UBE2V2: variants seen among roughly 807,000 people sequenced by gnomAD.
The protein encoded by UBE2V2 is ubiquitin conjugating enzyme E2 V2, also known as ubiquitin-conjugating enzyme E2 variant 2.
In UBE2V2, 9 loss-of-function variants were observed where a neutral mutation model predicts 17.2. That is an observed-to-expected ratio of 0.52 (90% CI 0.32 to 0.91). UBE2V2 has a LOEUF of 0.91. Ranked by LOEUF, UBE2V2 falls within the 40% of genes least tolerant of loss-of-function variation. UBE2V2 has a pLI of 0.04. For missense variants in UBE2V2, 133 were observed against 182.6 expected (o/e 0.73, Z 1.56); for synonymous variants, 61 against 57.5 (o/e 1.06, Z -0.28).
chr8:48,020,137 C>T (rs1291456125), intron 1 of UBE2V2, among the ~76,000 whole-genome samples: 1 of 150,712 alleles, frequency 6.6e-6, no homozygotes, highest in Non-Finnish European at 1.5e-5. Flanking sequence ...CTATTGAGAT[C>T]AGTGATTTTC....
In UBE2V2 at chr8:48,060,903, G is replaced by A; in HGVS notation, c.*75G>A. On this transcript the variant is annotated 3_prime_UTR_variant, in exon 4 of 4. Transcript: ENST00000523111. ...TAATGTCTTGATTAAATATCACAATGCAAAATACACATTAAGTAAAAGAAT... is the reference window on the plus strand; with the variant it reads ...TAATGTCTTGATTAAATATCACAATACAAAATACACATTAAGTAAAAGAAT... 7.8e-7 allele frequency: 1 copy of A among 1,286,270 alleles called. No individual in the cohort carries two copies. The highest frequency in any genetic ancestry group is 1.0e-6 in the Non-Finnish European group (1 of 987,860). The allele number at this position is 1,286,270 out of a possible 1,614,324, so 79.7% of individuals were successfully genotyped here. A position where few individuals can be genotyped will look rare whatever the true frequency, so the allele number is the denominator to read the frequency against.
the UBE2V2 span, among the ~76,000 whole-genome samples, chr8:48,000,280 T>C: frequency 6.6e-6 from 1 of 152,220 alleles, no homozygotes; most frequent in African/African-American, 2.4e-5. Context: ...TAATCACTTA[T>C]CATGACATGT....
chr8:48,030,925 G>A (rs974396356), intron 1 of UBE2V2, among the ~76,000 whole-genome samples: 4 of 152,196 alleles, frequency 2.6e-5, no homozygotes, highest in African/African-American at 9.6e-5. Flanking sequence ...GGGAGGCTGA[G>A]GCGGGAGAAT....
upstream of UBE2V2, among the ~76,000 whole-genome samples, chr8:48,004,512 GT>G (rs199499502): frequency 0.023 from 3,145 of 137,880 alleles, 83 homozygotes; most frequent in East Asian, 0.1. Flanking sequence ...TTCCTCTTCT[GT>G]TTTTTTTTTT....
chr8:48,049,811 G>C (rs1385872658), intron 2 of UBE2V2, 42 bp from the exon 3 acceptor site: 2 of 1,535,642 alleles, frequency 1.3e-6, no homozygotes, highest in South Asian at 1.2e-5. Context: ...TAATATTTTA[G>C]GTATTGTTAT....
At chr8:48,003,382 A>G in the UBE2V2 span, among the ~76,000 whole-genome samples, 1 of 152,148 alleles carries the variant, frequency 6.6e-6, no homozygotes, top group Admixed American at 6.6e-5. Context: ...GAGAAGAGTA[A>G]GCTTTAGACC....
intron 1 of UBE2V2, among the ~76,000 whole-genome samples, chr8:48,027,798 C>G (rs955342511): frequency 3.3e-5 from 5 of 152,218 alleles, no homozygotes; most frequent in African/African-American, 1.2e-4. Flanking sequence ...CTGCACCTGG[C>G]CCTTTACTGG....
rs1802611946 is a variant in UBE2V2, at chr8:48,062,506, T to A, written c.*1678T>A. ...TACTCGGGAGGCTGGGCAGGAGAAC[T>A]ACTTGAAACTGGCAGACAGAGGTTG... is the stretch of plus-strand genomic sequence containing the variant. On this transcript the variant is annotated 3_prime_UTR_variant, in exon 4 of 4. Transcript: ENST00000523111. The A allele has an allele frequency of 6.7e-6, 1 of 149,362 alleles. No individual in the cohort carries two copies. The highest frequency in any genetic ancestry group is 1.5e-5 in the Non-Finnish European group (1 of 67,792). 9.3% of individuals were successfully genotyped at this position (149,362 alleles called of 1,614,324 possible).
chr8:48,034,696 G>A (rs2091409285), intron 1 of UBE2V2, among the ~76,000 whole-genome samples: 1 of 151,180 alleles, frequency 6.6e-6, no homozygotes, highest in Non-Finnish European at 1.5e-5. Context: ...TTAAGTTTTT[G>A]CACTGCCAAA....
rs145987665 is a variant in UBE2V2, at chr8:48,034,222, A to G, written c.17-8811A>G. 1.1e-3 allele frequency among the ~76,000 whole-genome samples: 166 copies of G among 150,226 alleles called. 1 individual carries two copies. In the East Asian group the frequency reaches 0.031, roughly 28 times the overall value. ...CTGCATCCTCCACCTCCTGGGTTAA[A>G]GCGATTCTCCTGCCTCAGCCTCCCA... On this transcript the variant is annotated intron_variant, in intron 1 of 3. Transcript: ENST00000523111.
rs1180204789 is a variant in UBE2V2 at position 48,064,302 on chromosome 8, C to G, written c.*3474C>G. 1 of 152,070 alleles carries G rather than the reference C, an allele frequency of 6.6e-6. No individual in the cohort carries two copies. The highest frequency in any genetic ancestry group is 1.5e-5 in the Non-Finnish European group (1 of 68,028). The allele number at this position is 152,070 out of a possible 1,614,324, so 9.4% of individuals were successfully genotyped here. A position where few individuals can be genotyped will look rare whatever the true frequency, so the allele number is the denominator to read the frequency against. The stretch of plus-strand genomic sequence containing the variant: ...TATCAAAATGATTTTCCAGTACCAA[C>G]TTGACTGGCTTTTAATTATTGTCAC... On this transcript the variant is annotated 3_prime_UTR_variant, in exon 4 of 4. Coordinates refer to ENST00000523111, the MANE Select transcript of UBE2V2 (RefSeq NM_003350.3).
At chr8:48,020,036 C>T (rs1483840340) in intron 1 of UBE2V2, among the ~76,000 whole-genome samples, 1 of 151,686 alleles carries the variant, frequency 6.6e-6, no homozygotes, top group African/African-American at 2.4e-5. Context: ...CTTTCTCTCT[C>T]TCTGTCTCTC....
chr8:48,011,475 G>T (rs1380918442), intron 1 of UBE2V2, among the ~76,000 whole-genome samples: 3 of 152,166 alleles, frequency 2.0e-5, no homozygotes, highest in African/African-American at 7.2e-5. Context: ...ACTGAGCTTG[G>T]TCTAATACAC....
upstream of UBE2V2, among the ~76,000 whole-genome samples, chr8:48,006,208 A>G (rs960290168): frequency 5.9e-5 from 9 of 152,180 alleles, no homozygotes; most frequent in African/African-American, 2.2e-4. Flanking sequence ...TAAGGAAGGG[A>G]TCCAGTTCCA....
chr8:47,999,794 C>T, the UBE2V2 span, among the ~76,000 whole-genome samples: 9 of 152,166 alleles, frequency 5.9e-5, 1 homozygote, highest in South Asian at 2.1e-4. Flanking sequence ...GAGCTTTATA[C>T]GGTCGGGAGC....
chr8:48,026,245 A>C (rs977362423), intron 1 of UBE2V2, among the ~76,000 whole-genome samples: 5 of 152,188 alleles, frequency 3.3e-5, no homozygotes, highest in East Asian at 1.9e-4. Context: ...CGGGCTTCTT[A>C]TTCTCTCTAG....
rs371710530 is a variant in UBE2V2, at chr8:48,018,500, A to G, written c.16+10030A>G. Among the ~76,000 whole-genome samples the G allele has an allele frequency of 6.6e-5, 10 of 152,292 alleles. No individual in the cohort carries two copies. In the East Asian group the frequency reaches 1.3e-3, roughly 21 times the overall value. ...TGTTAATGATTTCTAGTTTTATACC[A>G]TTGTGGTCAGAAAAGATATTTGATA... On this transcript the variant is annotated intron_variant, in intron 1 of 3. Transcript: ENST00000523111.
intron 3 of UBE2V2, among the ~76,000 whole-genome samples, chr8:48,055,450 C>T (rs2091565474): frequency 6.6e-6 from 1 of 152,006 alleles, no homozygotes. Flanking sequence ...ATCCACCCAC[C>T]TCAGCCTACC....
intron 1 of UBE2V2, among the ~76,000 whole-genome samples, chr8:48,028,111 C>G (rs1384349861): frequency 6.6e-6 from 1 of 152,150 alleles, no homozygotes; most frequent in Non-Finnish European, 1.5e-5. Context: ...CTTGGCCTCC[C>G]AAAGTGCTGG....
Sources: gnomAD v4.1 joint callset for allele counts (sites outside exome capture counted in the v4.1 genomes callset) on GRCh38, gnomAD v4.1.1 for gene constraint, MANE v1.5 for transcripts, NCBI Gene and HGNC (gene_info 2026-07-23, HGNC 2026-07-21) for gene names.